The following BCL2L14 variants were observed in gnomAD, a reference collection of about 807,000 sequenced individuals.
BCL2L14 encodes apoptosis facilitator Bcl-2-like protein 14.
In BCL2L14, 27 loss-of-function variants were observed where a neutral mutation model predicts 35.3. The ratio of observed to expected loss-of-function variants is 0.76; its 90% CI spans 0.56 to 1.05. The LOEUF (loss-of-function observed/expected upper bound fraction) is 1.05, where lower values mean the gene tolerates loss of function less well. BCL2L14 is among the 50% of genes least tolerant of loss of function. The probability of loss-of-function intolerance (pLI) is 0.00; values close to 1 mark genes in which losing one functional copy is unlikely to be tolerated. For missense variants in BCL2L14, 377 were observed against 382.6 expected, an observed-to-expected ratio of 0.99 and a Z score of 0.12; for synonymous variants, 139 against 145.9, an observed-to-expected ratio of 0.95 and a Z score of 0.34.
intron 1 of BCL2L14, chr12:12,071,623 A>G (rs1284616396): frequency 6.6e-6 from 1 of 151,880 alleles, no homozygotes; most frequent in East Asian, 1.9e-4. Context: ...GGAGGTCTAG[A>G]CCCCCAGAGA....
In BCL2L14 at chr12:12,079,512, G is replaced by C. The variant is rs61733247; in HGVS notation, c.207G>C (p.Glu69Asp). Residue 69 changes from glutamate to aspartate, a missense_variant, in exon 2 of 6, where the codon GAG becomes GAC. Transcript: ENST00000308721. ...GTTCAGCAAATGAGTCATGGACAGA[G>C]GTGTCATGGCCTTGCAGAAATTCCC... ...GNCSANESWTEVSWPCRNSQS... is the reference protein window; with the variant it reads ...GNCSANESWTDVSWPCRNSQS... The C allele has an allele frequency of 6.8e-6, 11 of 1,614,084 alleles. No individual in the cohort carries two copies. In the East Asian group the frequency reaches 2.5e-4, roughly 36 times the overall value.
At chr12:12,059,560 ACCT>A (rs1948490917) in intron 2 of BCL2L14, among the ~76,000 whole-genome samples, 1 of 149,424 alleles carries the variant, frequency 6.7e-6, no homozygotes, top group Non-Finnish European at 1.5e-5. Context: ...CCATGCCCCA[ACCT>A]CCTATCTCTG....
chr12:12,056,477 T>C (rs1948434292), intron 2 of BCL2L14, among the ~76,000 whole-genome samples: 1 of 152,194 alleles, frequency 6.6e-6, no homozygotes, highest in Non-Finnish European at 1.5e-5. Flanking sequence ...GCCTGAGCCC[T>C]AAATACTGTG....
chr12:12,096,665 G>GA (rs1949318892), intron 5 of BCL2L14, among the ~76,000 whole-genome samples: 1 of 152,202 alleles, frequency 6.6e-6, no homozygotes, highest in South Asian at 2.1e-4. Flanking sequence ...TCAACAGTAG[G>GA]AAAATGCAAA....
rs991829340 is a variant in BCL2L14 at position 12,062,733 on chromosome 12, C to G, written c.-272+10886C>G. ...GAAGGCCACCGCAGTCATTTCTTCC[C>G]TTCAGTCAGACATAATTCCTCAGTT... On this transcript the variant is annotated intron_variant, in intron 2 of 3. Transcript: ENST00000461264. Among the ~76,000 whole-genome samples the G allele has an allele frequency of 5.3e-5, 8 of 152,238 alleles. No individual in the cohort carries two copies. The East Asian group carries it at 9.6e-4, about 18-fold the overall frequency.
upstream of BCL2L14, among the ~76,000 whole-genome samples, chr12:12,067,839 T>C (rs1261048982): frequency 3.9e-5 from 6 of 152,244 alleles, no homozygotes; most frequent in African/African-American, 1.4e-4. Flanking sequence ...GGCGTGGAGA[T>C]AACATAGTTG....
intron 1 of BCL2L14, among the ~76,000 whole-genome samples, chr12:12,074,240 C>T (rs1009616395): frequency 5.3e-5 from 8 of 152,040 alleles, no homozygotes; most frequent in African/African-American, 1.7e-4. Context: ...TTCATTCAGT[C>T]AGTCATCAGA....
intron 2 of BCL2L14, among the ~76,000 whole-genome samples, chr12:12,053,880 C>A (rs1486737800): frequency 6.6e-6 from 1 of 152,192 alleles, no homozygotes; most frequent in Non-Finnish European, 1.5e-5. Context: ...CCATTCTGTT[C>A]ACGTGTGGCT....
intron 1 of BCL2L14, chr12:12,077,939 C>A: frequency 2.3e-6 from 1 of 430,218 alleles, no homozygotes; most frequent in Admixed American, 2.8e-5. Context: ...GCAAAAAGAA[C>A]TGCTTTCCTA....
At chr12:12,069,543 CAAA>C (rs374176155), upstream of BCL2L14, among the ~76,000 whole-genome samples, 1 of 133,174 alleles carries the variant, frequency 7.5e-6, no homozygotes. Flanking sequence ...ACTAAAAATA[CAAA>C]AAAAAAAAAA....
intron 1 of BCL2L14, among the ~76,000 whole-genome samples, chr12:12,078,680 A>G (rs1815621333): frequency 6.6e-6 from 1 of 152,146 alleles, no homozygotes; most frequent in Non-Finnish European, 1.5e-5. Flanking sequence ...AACTCCTTCT[A>G]GCTTTCCAAA....
In BCL2L14 at chr12:12,099,568, AC is replaced by A. The variant is rs1415623651; in HGVS notation, c.*585del. The A allele has an allele frequency of 6.6e-6, 1 of 151,932 alleles. No homozygotes were observed. Among genetic ancestry groups the A allele is most frequent in the Admixed American group, 6.6e-5 (1 of 15,228 alleles). The allele number at this position is 151,932 out of a possible 1,614,324, so 9.4% of individuals were successfully genotyped here. A position where few individuals can be genotyped will look rare whatever the true frequency, so the allele number is the denominator to read the frequency against. On this transcript the variant is annotated 3_prime_UTR_variant, in exon 6 of 6. Transcript: ENST00000308721. ...TTTGGTACAAAATTTTTACTCCAACACCCCCTCAACCCTTTTCTCAGGGACC... is the reference window on the plus strand; with the variant it reads ...TTTGGTACAAAATTTTTACTCCAACACCCCTCAACCCTTTTCTCAGGGACC...
chr12:12,084,034 C>T (rs763016216), intron 2 of BCL2L14, among the ~76,000 whole-genome samples: 8 of 152,206 alleles, frequency 5.3e-5, no homozygotes, highest in Non-Finnish European at 1.2e-4. Flanking sequence ...CTTCACCCAT[C>T]ATGTCTACAT....
At chr12:12,065,468 G>A (rs1039808973) in intron 2 of BCL2L14, among the ~76,000 whole-genome samples, 6 of 151,584 alleles carry the variant, frequency 4.0e-5, no homozygotes, top group Admixed American at 2.0e-4. Flanking sequence ...CCGGGGAGGC[G>A]GAGGTTGCAG....
chr12:12,068,004 C>T (rs1194618049), upstream of BCL2L14: 1 of 384,996 alleles, frequency 2.6e-6, no homozygotes, highest in East Asian at 3.7e-5. Flanking sequence ...GCCATCATGG[C>T]TCATTGCAGC....
At chr12:12,098,569 G>A (rs967377216) in intron 5 of BCL2L14, among the ~76,000 whole-genome samples, 7 of 152,142 alleles carry the variant, frequency 4.6e-5, no homozygotes, top group African/African-American at 1.7e-4. Context: ...TGCTCTCTGT[G>A]GAGCACCATT....
At chr12:12,064,682 T>C (rs925571007) in intron 2 of BCL2L14, among the ~76,000 whole-genome samples, 3 of 152,196 alleles carry the variant, frequency 2.0e-5, no homozygotes, top group Non-Finnish European at 4.4e-5. Context: ...AAGGTTCCCA[T>C]TGCTTCTATG....
intron 4 of BCL2L14, among the ~76,000 whole-genome samples, chr12:12,091,567 T>A (rs564483308): frequency 5.3e-5 from 8 of 152,130 alleles, no homozygotes; most frequent in Non-Finnish European, 1.0e-4. Context: ...TTTTCCAGAA[T>A]CTGTGGGGAG....
At position 12,097,156 on chromosome 12, in the gene BCL2L14, A is replaced by T. The variant is rs1257160552; in HGVS notation, c.946-1794A>T. Among the ~76,000 whole-genome samples the T allele has an allele frequency of 2.0e-5, 3 of 152,176 alleles. No homozygotes were observed. In the East Asian group the frequency reaches 5.8e-4, roughly 29 times the overall value. ...CGAGACTCTGTCTCAAAAAATAAAAAAAATTAAAAAAAATAAAGTTACCAG... is the reference window on the plus strand; with the variant it reads ...CGAGACTCTGTCTCAAAAAATAAAATAAATTAAAAAAAATAAAGTTACCAG... On this transcript the variant is annotated intron_variant, in intron 5 of 5. Transcript: ENST00000308721.
Sources: gnomAD v4.1 joint callset for allele counts (sites outside exome capture counted in the v4.1 genomes callset) on GRCh38, gnomAD v4.1.1 for gene constraint, MANE v1.5 for transcripts, NCBI Gene and HGNC (gene_info 2026-07-23, HGNC 2026-07-21) for gene names.